CHCHD6: variants seen among roughly 807,000 people sequenced by gnomAD.
CHCHD6 encodes MICOS complex subunit MIC25.
CHCHD6 carries 28 observed loss-of-function variants against 32.3 expected under a neutral mutation model. The observed-to-expected ratio is 0.87, with a 90% CI of 0.64 to 1.19. The LOEUF (loss-of-function observed/expected upper bound fraction) is 1.19, where lower values mean the gene tolerates loss of function less well. Among genes scored for constraint, CHCHD6 ranks in the 50% most tolerant of loss-of-function variants. CHCHD6 has a pLI of 0.00. For synonymous variants in CHCHD6, 122 were observed against 117.5 expected (o/e 1.04, Z -0.25); for missense variants, 333 against 307.0 (o/e 1.08, Z -0.63).
intron 1 of CHCHD6, among the ~76,000 whole-genome samples, chr3:126,722,534 G>A (rs78437852): frequency 1.3e-3 from 197 of 152,234 alleles, no homozygotes; most frequent in African/African-American, 4.7e-3. Context: ...GTTTAAACCC[G>A]TGTTTCTCTA....
At chr3:126,713,873 C>T (rs527822861) in intron 1 of CHCHD6, among the ~76,000 whole-genome samples, 3 of 149,552 alleles carry the variant, frequency 2.0e-5, no homozygotes, top group Admixed American at 1.3e-4. Flanking sequence ...GGCTTTAGAT[C>T]GAGACCATCC....
At chr3:126,749,750 T>G (rs1289874219) in intron 4 of CHCHD6, among the ~76,000 whole-genome samples, 1 of 152,188 alleles carries the variant, frequency 6.6e-6, no homozygotes, top group Non-Finnish European at 1.5e-5. Context: ...TTTGGCTCTT[T>G]TATGGGCAAG....
chr3:126,816,519 T>C lies in CHCHD6; in HGVS notation c.412-36128T>C, dbSNP rs138999876. On this transcript the variant is annotated intron_variant, in intron 4 of 7. Coordinates refer to ENST00000290913, the MANE Select transcript of CHCHD6 (RefSeq NM_032343.3). Reference sequence around the variant, plus strand: ...GCGTCCCTTCAGGAAGGGTCTGGCTTGCAGAGGCTGTGAACCCTTTCAGGT... The same window carrying C: ...GCGTCCCTTCAGGAAGGGTCTGGCTCGCAGAGGCTGTGAACCCTTTCAGGT... Among the ~76,000 whole-genome samples, 128 of 152,190 alleles carry C rather than the reference T, an allele frequency of 8.4e-4. 1 individual carries two copies. Among genetic ancestry groups the C allele is most frequent in the African/African-American group, 2.9e-3 (121 of 41,528 alleles).
intron 5 of CHCHD6, among the ~76,000 whole-genome samples, chr3:126,892,694 A>G (rs1024637704): frequency 6.6e-6 from 1 of 152,092 alleles, no homozygotes; most frequent in African/African-American, 2.4e-5. Flanking sequence ...TCTCATTTCC[A>G]TATGAGACAT....
At chr3:126,863,852 TCAA>T (rs1244939884) in intron 5 of CHCHD6, among the ~76,000 whole-genome samples, 3 of 87,756 alleles carry the variant, frequency 3.4e-5, no homozygotes, top group Non-Finnish European at 4.7e-5. Context: ...TCCTCCACCA[TCAA>T]CACCTCCTCC....
chr3:126,728,710 A>G (rs1323253361), intron 2 of CHCHD6, among the ~76,000 whole-genome samples: 3 of 152,372 alleles, frequency 2.0e-5, no homozygotes, highest in South Asian at 4.1e-4. Flanking sequence ...TTGCCATAAT[A>G]TATAATACTA....
At chr3:126,902,162 C>T (rs574070518) in intron 5 of CHCHD6, among the ~76,000 whole-genome samples, 4 of 152,162 alleles carry the variant, frequency 2.6e-5, no homozygotes, top group Non-Finnish European at 4.4e-5. Flanking sequence ...AAGACAACAG[C>T]GTCTGTAAGA....
chr3:126,873,017 C>A (rs1402543516), intron 5 of CHCHD6, among the ~76,000 whole-genome samples: 1 of 152,208 alleles, frequency 6.6e-6, no homozygotes. Context: ...TATCTACAGT[C>A]CTGGGACAGC....
chr3:126,726,627 A>G lies in CHCHD6; in HGVS notation c.88-451A>G, dbSNP rs72978817. Among the ~76,000 whole-genome samples, 1,005 of 152,336 alleles carry G rather than the reference A, an allele frequency of 6.6e-3. 8 individuals are homozygous for G. Among genetic ancestry groups the G allele is most frequent in the African/African-American group, 0.023 (959 of 41,582 alleles). On this transcript the variant is annotated intron_variant, in intron 1 of 7. Coordinates refer to ENST00000290913, the MANE Select transcript of CHCHD6 (RefSeq NM_032343.3). ...AAGGAGGTACCTGTGCTTCACTTGCATGCTGTCGAGGAGCAGCCTTCCCTG... is the reference window on the plus strand; with the variant it reads ...AAGGAGGTACCTGTGCTTCACTTGCGTGCTGTCGAGGAGCAGCCTTCCCTG...
At chr3:126,775,062 A>G (rs1473226718) in intron 4 of CHCHD6, among the ~76,000 whole-genome samples, 1 of 152,168 alleles carries the variant, frequency 6.6e-6, no homozygotes, top group African/African-American at 2.4e-5. Context: ...TGCTTTGTGT[A>G]TGTGATGTCC....
intron 4 of CHCHD6, among the ~76,000 whole-genome samples, chr3:126,757,731 G>C (rs1288865096): frequency 6.6e-6 from 1 of 152,160 alleles, no homozygotes; most frequent in Non-Finnish European, 1.5e-5. Flanking sequence ...GTAAGAAATT[G>C]TAAGAAAACA....
At chr3:126,910,989 C>T (rs1260302402) in intron 5 of CHCHD6, among the ~76,000 whole-genome samples, 1 of 152,152 alleles carries the variant, frequency 6.6e-6, no homozygotes, top group Non-Finnish European at 1.5e-5. Flanking sequence ...CAGTATTCAC[C>T]ACACACCCTC....
intron 5 of CHCHD6, among the ~76,000 whole-genome samples, chr3:126,862,240 A>C (rs1941933943): frequency 8.5e-6 from 1 of 117,630 alleles, no homozygotes; most frequent in South Asian, 3.2e-4. Flanking sequence ...CTCCTCCATC[A>C]CCACCTCCTC....
intron 2 of CHCHD6, among the ~76,000 whole-genome samples, chr3:126,729,486 TA>T (rs1466821468): frequency 6.6e-6 from 1 of 152,114 alleles, no homozygotes; most frequent in Non-Finnish European, 1.5e-5. Context: ...GAAAATTATA[TA>T]AAAAGCAAAA....
intron 1 of CHCHD6, among the ~76,000 whole-genome samples, chr3:126,721,310 G>A (rs1432986762): frequency 1.3e-5 from 2 of 152,162 alleles, no homozygotes; most frequent in African/African-American, 4.8e-5. Flanking sequence ...AACCTATGGC[G>A]GCAGGCGCAC....
At chr3:126,887,409 G>C (rs1302392576) in intron 5 of CHCHD6, among the ~76,000 whole-genome samples, 1 of 152,142 alleles carries the variant, frequency 6.6e-6, no homozygotes, top group African/African-American at 2.4e-5. Flanking sequence ...TGGCTTCTTA[G>C]ATTTAGTGCC....
intron 6 of CHCHD6, among the ~76,000 whole-genome samples, chr3:126,917,448 A>G (rs1273137957): frequency 1.3e-5 from 2 of 152,034 alleles, no homozygotes; most frequent in Non-Finnish European, 2.9e-5. Context: ...CGGGTTTTGG[A>G]CTCAGACCAG....
At chr3:126,878,855 A>G (rs944572709) in intron 5 of CHCHD6, among the ~76,000 whole-genome samples, 13 of 152,198 alleles carry the variant, frequency 8.5e-5, no homozygotes, top group South Asian at 2.1e-4. Flanking sequence ...TCAGGCAGCC[A>G]TTCAGTTACA....
intron 5 of CHCHD6, among the ~76,000 whole-genome samples, chr3:126,875,951 C>T (rs116056476): frequency 1.3e-5 from 2 of 152,298 alleles, no homozygotes; most frequent in Non-Finnish European, 2.9e-5. Flanking sequence ...TCAGACTCAG[C>T]TATTATTTTT....
Sources: allele counts gnomAD v4.1 joint callset (sites outside exome capture counted in the v4.1 genomes callset), GRCh38; gene constraint gnomAD v4.1.1; transcripts MANE v1.5; gene names NCBI Gene and HGNC (gene_info 2026-07-23, HGNC 2026-07-21).